MFRP: variants seen among roughly 807,000 people sequenced by gnomAD.
MFRP encodes C1q and TNF related 5.
Under a neutral mutation model 65.8 loss-of-function variants are expected in MFRP, and 74 were observed. The ratio of observed to expected loss-of-function variants is 1.12; its 90% CI spans 0.93 to 1.36. The LOEUF (loss-of-function observed/expected upper bound fraction) is 1.36. MFRP is among the 40% of genes most tolerant of loss of function. The probability of loss-of-function intolerance (pLI) is 0.00; values close to 1 mark genes in which losing one functional copy is unlikely to be tolerated. For synonymous variants in MFRP, 336 were observed against 288.3 expected (o/e 1.17, Z -1.68); for missense variants, 838 against 736.0 (o/e 1.14, Z -1.60).
At chr11:119,343,133 G>T in intron 9 of MFRP, 130 bp from the exon 10 acceptor site, 1 of 1,179,780 alleles carries the variant, frequency 8.5e-7, no homozygotes, top group Non-Finnish European at 1.2e-6. Flanking sequence ...CACAGGGTTA[G>T]GGTCTGGCGA....
In MFRP at chr11:119,344,771, C is replaced by G; in HGVS notation, c.773-14G>C. ...GGGCACAGCTCCCTGGATGTGGGCACCAGGAGTCAGGGAGGCCCGGAGTCT... is the reference window on the plus strand; with the variant it reads ...GGGCACAGCTCCCTGGATGTGGGCAGCAGGAGTCAGGGAGGCCCGGAGTCT... On this transcript the variant is annotated splice_polypyrimidine_tract_variant and intron_variant, in intron 6 of 14. Transcript: ENST00000619721. The G allele has an allele frequency of 6.2e-7, 1 of 1,613,862 alleles. No individual in the cohort carries two copies. Among genetic ancestry groups the G allele is most frequent in the Non-Finnish European group, 8.5e-7 (1 of 1,180,010 alleles).
intron 2 of MFRP, 46 bp downstream of exon 2, chr11:119,346,226 C>T: frequency 6.4e-7 from 1 of 1,572,314 alleles, no homozygotes; most frequent in South Asian, 1.2e-5. Context: ...GTCCTTGGCT[C>T]CTGGGCCTCT....
At chr11:119,342,545 TGTGAG>T in intron 11 of MFRP, 46 bp downstream of exon 11, 1 of 1,607,626 alleles carries the variant, frequency 6.2e-7, no homozygotes, top group Non-Finnish European at 8.5e-7. Context: ...AGTAGGGTTC[TGTGAG>T]GTGGGCACCC....
chr11:119,342,039 T>C, intron 11 of MFRP, 55 bp from the exon 12 acceptor site: 2 of 1,608,534 alleles, frequency 1.2e-6, no homozygotes, highest in Non-Finnish European at 1.7e-6. Flanking sequence ...CTCTGTGGCC[T>C]GTGGCAAGTC....
chr11:119,340,218 C>T lies in MFRP; in HGVS notation c.*1076G>A. The stretch of plus-strand genomic sequence containing the variant: ...CGCCCTCGCCTTTCTCTCCCGGAGC[C>T]CCGGGCGCGCCGTCGCGGCCGTCGC... On this transcript the variant is annotated 3_prime_UTR_variant, in exon 14 of 15. Transcript: ENST00000619721. The T allele has an allele frequency of 6.6e-7, 1 of 1,514,086 alleles. No homozygotes were observed. Among genetic ancestry groups the T allele is most frequent in the Non-Finnish European group, 8.8e-7 (1 of 1,133,928 alleles). 93.8% of individuals were successfully genotyped at this position (1,514,086 alleles called of 1,614,324 possible). A position where few individuals can be genotyped will look rare whatever the true frequency, so the allele number is the denominator to read the frequency against.
chr11:119,343,710 A>G, intron 9 of MFRP, 106 bp downstream of exon 9: 1 of 1,427,852 alleles, frequency 7.0e-7, no homozygotes, highest in Non-Finnish European at 9.8e-7. Context: ...CTGGAGTAGC[A>G]GAAGAAAATG....
Position 119,344,651 on chromosome 11 carries a change from A to G in MFRP, c.879T>C (p.Asn293=), listed in dbSNP as rs1234799480. ...ANCADGSDET[N]CSAKFSGCGG... ...CCGTACCCGAGAACTTGGCACTGCA[A>G]TTGGTCTCATCACTGCCGTCAGCAC... Residue 293 remains asparagine (N), a synonymous_variant, in exon 7 of 15, where the codon AAT becomes AAC. Transcript: ENST00000619721. 9 of 1,614,050 alleles carry G rather than the reference A, an allele frequency of 5.6e-6. No homozygotes were observed. Among genetic ancestry groups the G allele is most frequent in the Non-Finnish European group, 7.6e-6 (9 of 1,180,030 alleles).
At position 119,344,677 on chromosome 11, in the gene MFRP, A is replaced by G. The variant is rs368713660; in HGVS notation, c.853T>C (p.Cys285Arg). ...PDSVCDGFAN[C>R]ADGSDETNCS... is the part of the protein sequence containing the mutation. ...TTGGTCTCATCACTGCCGTCAGCAC[A>G]GTTGGCAAAACCATCACACACTGAG... Residue 285 changes from cysteine (C) to arginine (R), a missense_variant, in exon 7 of 15, where the codon TGT (cysteine) becomes CGT (arginine). By Grantham distance (180) the Cys-to-Arg change is radical. Coordinates refer to ENST00000619721, the MANE Select transcript of MFRP (RefSeq NM_031433.4). The G allele has an allele frequency of 1.4e-5, 23 of 1,613,970 alleles. No individual in the cohort carries two copies. Among genetic ancestry groups the G allele is most frequent in the South Asian group, 2.2e-5 (2 of 91,086 alleles).
chr11:119,343,764 G>C, intron 9 of MFRP, 52 bp downstream of exon 9: 1 of 1,609,488 alleles, frequency 6.2e-7, no homozygotes. Context: ...GAAGCCGGGG[G>C]TGGCAGACAG....
intron 3 of MFRP, 23 bp from the exon 4 acceptor site, chr11:119,345,951 T>C: frequency 6.2e-7 from 1 of 1,613,362 alleles, no homozygotes. Flanking sequence ...AGATGGAGGG[T>C]GGCGTTCAGA....
In MFRP at chr11:119,339,999, C is replaced by A; in HGVS notation, c.*1111-151G>T. On this transcript the variant is annotated intron_variant, in intron 14 of 14. Transcript: ENST00000619721. This position sits in a 1 kb window ranked among gnomAD's most constrained non-coding sequence, Gnocchi z 5.4. ...CGGGTACCTCCTCCACCCCTTCCCG[C>A]AGGGCAGATCTGGGGGGCTGGCCAA... is the stretch of plus-strand genomic sequence containing the variant. 7.7e-7 allele frequency: 1 copy of A among 1,294,228 alleles called. No homozygotes were observed. The highest frequency in any genetic ancestry group is 1.0e-6 in the Non-Finnish European group (1 of 986,216). The allele number at this position is 1,294,228 out of a possible 1,614,324, so 80.2% of individuals were successfully genotyped here. A position where few individuals can be genotyped will look rare whatever the true frequency, so the allele number is the denominator to read the frequency against.
At position 119,345,584 on chromosome 11, in the gene MFRP, G is replaced by C. The variant is rs140629667; in HGVS notation, c.477C>G (p.Asn159Lys). ...SGPRGFFSSP[N>K]YPDPYPPNTH... The stretch of plus-strand genomic sequence containing the variant: ...TGTTGGGGGGGTAAGGGTCTGGGTA[G>C]TTAGGGCTGCTGAAGAAGCCCCTTG... Residue 159 changes from asparagine to lysine, a missense_variant, in exon 5 of 15, where the codon AAC (asparagine) becomes AAG (lysine). Transcript: ENST00000619721. 2.9e-4 allele frequency: 472 copies of C among 1,613,822 alleles called. No homozygotes were observed. The highest frequency in any genetic ancestry group is 3.2e-4 in the Non-Finnish European group (382 of 1,180,004).
chr11:119,340,667 C>T (rs1950493947), intron 13 of MFRP, 28 bp downstream of exon 13: 1 of 499,748 alleles, frequency 2.0e-6, no homozygotes, highest in Non-Finnish European at 3.5e-6. Flanking sequence ...CCCTCCCCAG[C>T]CCCTTTCCCC....
Position 119,339,848 on chromosome 11 carries a change from C to A in MFRP, c.*1111G>T. 1 of 1,477,904 alleles carries A rather than the reference C, an allele frequency of 6.8e-7. No homozygotes were observed. The highest frequency in any genetic ancestry group is 8.9e-7 in the Non-Finnish European group (1 of 1,122,204). The allele number at this position is 1,477,904 out of a possible 1,614,324, so 91.5% of individuals were successfully genotyped here. On this transcript the variant is annotated splice_region_variant and 3_prime_UTR_variant, in exon 15 of 15. Coordinates refer to ENST00000619721, the MANE Select transcript of MFRP (RefSeq NM_031433.4). This position sits in a 1 kb window ranked among gnomAD's most constrained non-coding sequence, Gnocchi z 5.4. ...GGGGTCCCCTCGAGGTCCCGGCAGT[C>A]CTGCGGGGTAAGCGGGGCGGCAGGG...
rs752779646 is a variant in MFRP at position 119,344,756 on chromosome 11, C to T, written c.774G>A (p.Gly258=). ...AWYQAMAPGR[G]SCAHDEFRCD... ...AGCGGAACTCATCATGGGCACAGCT[C>T]CCTGGATGTGGGCACCAGGAGTCAG... Residue 258 remains glycine (G), a splice_region_variant and synonymous_variant, in exon 7 of 15, where the codon GGG becomes GGA. Transcript: ENST00000619721. The T allele has an allele frequency of 1.2e-6, 2 of 1,613,942 alleles. No homozygotes were observed. Among genetic ancestry groups the T allele is most frequent in the Non-Finnish European group, 1.7e-6 (2 of 1,180,014 alleles).
chr11:119,341,892 G>C lies in MFRP; in HGVS notation c.1480C>G (p.Gln494Glu). 6.2e-7 allele frequency: 1 copy of C among 1,613,986 alleles called. No individual in the cohort carries two copies. The highest frequency in any genetic ancestry group is 8.5e-7 in the Non-Finnish European group (1 of 1,180,002). ...FPNIWVGMIT[Q>E]EEVVEVLSGY... ...CTGAGGACCTCTACCACCTCCTCCT[G>C]GGTGATCATGCCCACCCAGATGTTA... is the stretch of plus-strand genomic sequence containing the variant. Residue 494 changes from glutamine (Q) to glutamate (E), a missense_variant, in exon 12 of 15, where the codon CAG (glutamine) becomes GAG (glutamate). Coordinates refer to ENST00000619721, the MANE Select transcript of MFRP (RefSeq NM_031433.4).
At chr11:119,343,487 C>T (rs929786433) in intron 9 of MFRP, among the ~76,000 whole-genome samples, 12 of 152,182 alleles carry the variant, frequency 7.9e-5, no homozygotes, top group South Asian at 2.1e-4. Flanking sequence ...ACTGCACTCC[C>T]GCCTGGGCAA....
rs774210596 is a variant in MFRP at position 119,339,867 on chromosome 11, G to A, written c.*1111-19C>T. On this transcript the variant is annotated intron_variant, in intron 14 of 14. Coordinates refer to ENST00000619721, the MANE Select transcript of MFRP (RefSeq NM_031433.4). The surrounding 1 kb of genome is among the most constrained non-coding windows in gnomAD (Gnocchi z 5.4). Reference sequence around the variant, plus strand: ...GGCAGTCCTGCGGGGTAAGCGGGGCGGCAGGGTGAGAGTAGCGGCGGCTCA... The same window carrying A: ...GGCAGTCCTGCGGGGTAAGCGGGGCAGCAGGGTGAGAGTAGCGGCGGCTCA... 6.2e-6 allele frequency: 9 copies of A among 1,457,554 alleles called. No individual in the cohort carries two copies. Among genetic ancestry groups the A allele is most frequent in the East Asian group, 5.0e-5 (2 of 39,870 alleles). The allele number at this position is 1,457,554 out of a possible 1,614,324, so 90.3% of individuals were successfully genotyped here. A position where few individuals can be genotyped will look rare whatever the true frequency, so the allele number is the denominator to read the frequency against.
chr11:119,341,337 A>G lies in MFRP; in HGVS notation c.*211T>C. On this transcript the variant is annotated 3_prime_UTR_variant, in exon 13 of 15. Coordinates refer to ENST00000619721, the MANE Select transcript of MFRP (RefSeq NM_031433.4). ...CCGGTGGCACAGTGTGGGGCCAGTC[A>G]GCAGCCTGGGACCGGTAAAGGGACA... 1 of 593,266 alleles carries G rather than the reference A, an allele frequency of 1.7e-6. No homozygotes were observed. The highest frequency in any genetic ancestry group is 3.0e-6 in the Non-Finnish European group (1 of 333,354). The allele number at this position is 593,266 out of a possible 1,614,324, so 36.8% of individuals were successfully genotyped here. A position where few individuals can be genotyped will look rare whatever the true frequency, so the allele number is the denominator to read the frequency against.
Sources: allele counts gnomAD v4.1 joint callset (sites outside exome capture counted in the v4.1 genomes callset), GRCh38; gene constraint gnomAD v4.1.1; non-coding constraint Gnocchi (gnomAD v3.1); transcripts MANE v1.5; gene names NCBI Gene and HGNC (gene_info 2026-07-23, HGNC 2026-07-21).